The following ZNRF1 variants were observed in gnomAD, a reference collection of about 807,000 sequenced individuals.
ZNRF1 encodes zinc and ring finger 1.
ZNRF1 carries 3 observed loss-of-function variants against 18.4 expected under a neutral mutation model. That is an observed-to-expected ratio of 0.16 (90% CI 0.07 to 0.42). The LOEUF (loss-of-function observed/expected upper bound fraction) is 0.42, where lower values mean the gene tolerates loss of function less well. ZNRF1 is among the 10% of genes least tolerant of loss of function. The probability of loss-of-function intolerance (pLI) is 0.99; values close to 1 mark genes in which losing one functional copy is unlikely to be tolerated. For synonymous variants in ZNRF1, 157 were observed against 144.2 expected (o/e 1.09, Z -0.64); for missense variants, 310 against 329.8 (o/e 0.94, Z 0.47).
intron 1 of ZNRF1, among the ~76,000 whole-genome samples, chr16:75,031,695 A>G (rs1235999932): frequency 6.6e-6 from 1 of 151,760 alleles, no homozygotes; most frequent in South Asian, 2.1e-4. Context: ...TTCCATAGAG[A>G]CAGGGCATGT....
chr16:75,055,576 G>A (rs2035657698), intron 1 of ZNRF1, among the ~76,000 whole-genome samples: 1 of 152,176 alleles, frequency 6.6e-6, no homozygotes, highest in South Asian at 2.1e-4. Context: ...CCCTATGAGA[G>A]GCCTTTTCCT....
intron 1 of ZNRF1, among the ~76,000 whole-genome samples, chr16:75,005,621 C>T (rs955332101): frequency 2.0e-4 from 30 of 152,284 alleles, no homozygotes; most frequent in African/African-American, 5.1e-4. Context: ...TGCCTGAAAC[C>T]GTGGATAGTA....
intron 1 of ZNRF1, among the ~76,000 whole-genome samples, chr16:75,005,135 A>T (rs1046208554): frequency 5.3e-5 from 8 of 152,232 alleles, no homozygotes; most frequent in African/African-American, 1.9e-4. Flanking sequence ...AAGGAAAAGC[A>T]TTCTGTGGTC....
chr16:75,053,837 T>G (rs1352236212), intron 1 of ZNRF1, among the ~76,000 whole-genome samples: 2 of 152,192 alleles, frequency 1.3e-5, no homozygotes, highest in Non-Finnish European at 1.5e-5. Context: ...AAAAGAGCCT[T>G]TAGGGTATTC....
chr16:75,049,451 C>T (rs1027456437), intron 1 of ZNRF1, among the ~76,000 whole-genome samples: 9 of 150,244 alleles, frequency 6.0e-5, no homozygotes, highest in Admixed American at 2.7e-4. Flanking sequence ...CTCAGCCTCC[C>T]GAGCAGCTGG....
intron 1 of ZNRF1, among the ~76,000 whole-genome samples, chr16:75,072,009 G>T (rs1164639139): frequency 6.6e-6 from 1 of 152,010 alleles, no homozygotes; most frequent in Non-Finnish European, 1.5e-5. Flanking sequence ...CATGATCATG[G>T]CTTACTTCAG....
chr16:75,014,894 T>A (rs867971738), intron 1 of ZNRF1, among the ~76,000 whole-genome samples: 1 of 151,982 alleles, frequency 6.6e-6, no homozygotes, highest in East Asian at 1.9e-4. Flanking sequence ...TGATAATATA[T>A]TTATCTATAA....
intron 2 of ZNRF1, chr16:75,095,554 G>C: frequency 1.3e-6 from 2 of 1,483,876 alleles, no homozygotes; most frequent in Non-Finnish European, 9.0e-7. Context: ...CGTTTGTCCT[G>C]TGGGTTGCTA....
At chr16:75,023,419 C>G (rs1330989865) in intron 1 of ZNRF1, among the ~76,000 whole-genome samples, 2 of 152,228 alleles carry the variant, frequency 1.3e-5, no homozygotes, top group Admixed American at 1.3e-4. Context: ...CGCAGTGGCT[C>G]ACGCCTGTAA....
Position 75,093,603 on chromosome 16 carries a change from G to A in ZNRF1, c.456G>A (p.Val152=). 2.5e-6 allele frequency: 4 copies of A among 1,614,056 alleles called. No individual in the cohort carries two copies. Among genetic ancestry groups the A allele is most frequent in the Non-Finnish European group, 3.4e-6 (4 of 1,179,934 alleles). Residue 152 remains valine, a synonymous_variant, in exon 2 of 5, where the codon GTG becomes GTA. Transcript: ENST00000335325. ...AGTGCCCCATTTGCTCCAAGTCTGT[G>A]GCTTCTGACGAGATGGAAATGCACT... ...GFKCPICSKS[V]ASDEMEMHFI...
intron 1 of ZNRF1, among the ~76,000 whole-genome samples, chr16:75,044,270 C>T (rs1227625866): frequency 1.3e-5 from 2 of 152,098 alleles, no homozygotes; most frequent in Non-Finnish European, 2.9e-5. Flanking sequence ...CTCTCTGTTG[C>T]CCAGGCTAGA....
chr16:75,030,985 G>T lies in ZNRF1; in HGVS notation c.424+30890G>T, dbSNP rs369174049. The stretch of plus-strand genomic sequence containing the variant: ...CCTAAATAGCTGGGACTAGAGGTGT[G>T]CACCGCCACGCCTAGCTAATGTTTG... On this transcript the variant is annotated intron_variant, in intron 1 of 4. Coordinates refer to ENST00000335325, the MANE Select transcript of ZNRF1 (RefSeq NM_032268.5). Among the ~76,000 whole-genome samples, 6 of 151,388 alleles carry T rather than the reference G, an allele frequency of 4.0e-5. No individual in the cohort carries two copies. In the South Asian group the frequency reaches 1.3e-3, roughly 32 times the overall value.
At chr16:75,010,711 G>GTCTTTT (rs1367958306) in intron 1 of ZNRF1, among the ~76,000 whole-genome samples, 1 of 74,324 alleles carries the variant, frequency 1.3e-5, no homozygotes, top group African/African-American at 3.9e-5. Flanking sequence ...GTTTTTTTTT[G>GTCTTTT]TTTTTTTGTT....
chr16:75,064,916 C>T (rs144119865), intron 1 of ZNRF1, among the ~76,000 whole-genome samples: 9 of 152,308 alleles, frequency 5.9e-5, no homozygotes, highest in Non-Finnish European at 7.4e-5. Context: ...GTGCATGTGC[C>T]GTCCTTTGCC....
intron 1 of ZNRF1, among the ~76,000 whole-genome samples, chr16:75,009,713 A>G (rs1260212963): frequency 6.6e-6 from 1 of 152,008 alleles, no homozygotes; most frequent in Non-Finnish European, 1.5e-5. Context: ...GAACCACCAT[A>G]CTGTTTTCCA....
chr16:75,014,805 T>C (rs910768285), intron 1 of ZNRF1, among the ~76,000 whole-genome samples: 3 of 152,134 alleles, frequency 2.0e-5, no homozygotes, highest in African/African-American at 7.2e-5. Flanking sequence ...AAATTTGATA[T>C]TGTCATACCT....
intron 1 of ZNRF1, among the ~76,000 whole-genome samples, chr16:75,037,608 G>A (rs1164602737): frequency 1.3e-5 from 2 of 152,236 alleles, no homozygotes; most frequent in Non-Finnish European, 2.9e-5. Context: ...AAAGTGCTGC[G>A]ATTACAGGCA....
At chr16:75,017,173 G>C (rs1254545656) in intron 1 of ZNRF1, among the ~76,000 whole-genome samples, 1 of 152,084 alleles carries the variant, frequency 6.6e-6, no homozygotes. Flanking sequence ...AACAAAAACT[G>C]GTTAGCTATT....
intron 1 of ZNRF1, among the ~76,000 whole-genome samples, chr16:75,053,915 C>A (rs1179940178): frequency 6.6e-6 from 1 of 152,184 alleles, no homozygotes; most frequent in African/African-American, 2.4e-5. Context: ...TCATTGTGGC[C>A]ACGCAAGTTC....
Sources: allele counts gnomAD v4.1 joint callset (sites outside exome capture counted in the v4.1 genomes callset), GRCh38; gene constraint gnomAD v4.1.1; transcripts MANE v1.5; gene names NCBI Gene and HGNC (gene_info 2026-07-23, HGNC 2026-07-21).